Variants in PRIM2 observed in about 807,000 individuals in gnomAD.
PRIM2 encodes the protein DNA primase subunit 2, also known as DNA primase large subunit.
In PRIM2, 39 loss-of-function variants were observed where a neutral mutation model predicts 67.3. That is an observed-to-expected ratio of 0.58 (90% CI 0.45 to 0.76). PRIM2 has a LOEUF of 0.76. PRIM2 is among the 30% of genes least tolerant of loss of function. PRIM2 has a pLI of 0.00. For missense variants in PRIM2, 398 were observed against 598.7 expected, an observed-to-expected ratio of 0.66 and a Z score of 3.50; for synonymous variants, 143 against 198.7, an observed-to-expected ratio of 0.72 and a Z score of 2.36.
chr6:57,230,965 C>T, the PRIM2 span, among the ~76,000 whole-genome samples: 41 of 152,266 alleles, frequency 2.7e-4, no homozygotes, highest in Non-Finnish European at 4.7e-4. Context: ...TTTTTGGAAC[C>T]TGCTACCTCC....
the PRIM2 span, among the ~76,000 whole-genome samples, chr6:57,239,003 T>A: frequency 3.9e-5 from 6 of 152,214 alleles, no homozygotes; most frequent in Admixed American, 1.3e-4. Context: ...ATTTTTTTTT[T>A]ATTTTGAGAC....
intron 13 of PRIM2, among the ~76,000 whole-genome samples, chr6:57,638,289 C>G (rs1375684950): frequency 1.3e-5 from 2 of 152,012 alleles, no homozygotes; most frequent in Non-Finnish European, 2.9e-5. Context: ...CCAGCAACTG[C>G]AAAAACATAT....
chr6:57,223,258 A>G, the PRIM2 span, among the ~76,000 whole-genome samples: 1 of 152,192 alleles, frequency 6.6e-6, no homozygotes, highest in South Asian at 2.1e-4. Flanking sequence ...AGAGGCTCAA[A>G]GTTAGCATAA....
chr6:57,516,509 T>C (rs1301193492), intron 8 of PRIM2, among the ~76,000 whole-genome samples: 4 of 152,210 alleles, frequency 2.6e-5, no homozygotes, highest in Admixed American at 6.5e-5. Context: ...AAATGAGTTC[T>C]TAACAGAAAT....
the PRIM2 span, among the ~76,000 whole-genome samples, chr6:57,270,913 T>A: frequency 9.0e-3 from 1,375 of 151,938 alleles, 44 homozygotes; most frequent in African/African-American, 0.032. Context: ...TGGTTCTGTT[T>A]ATATGCTGGA....
intron 7 of PRIM2, among the ~76,000 whole-genome samples, chr6:57,498,500 A>G (rs1444239399): frequency 3.3e-5 from 5 of 152,168 alleles, no homozygotes; most frequent in Non-Finnish European, 7.3e-5. Context: ...CCCTAATACC[A>G]CTGTAAGAGA....
intron 10 of PRIM2, among the ~76,000 whole-genome samples, chr6:57,574,955 TA>T (rs1581998485): frequency 1.3e-5 from 2 of 152,142 alleles, no homozygotes; most frequent in Non-Finnish European, 2.9e-5. Flanking sequence ...TGTGGGTGCT[TA>T]AAGGTATAGA....
At chr6:57,529,134 C>T (rs1437712050) in intron 8 of PRIM2, among the ~76,000 whole-genome samples, 1 of 152,060 alleles carries the variant, frequency 6.6e-6, no homozygotes, top group Non-Finnish European at 1.5e-5. Flanking sequence ...CACGGTGAAA[C>T]CCCGTCACTA....
chr6:57,370,246 T>A (rs7739033), intron 5 of PRIM2, among the ~76,000 whole-genome samples: 3,992 of 152,266 alleles, frequency 0.026, 171 homozygotes, highest in African/African-American at 0.09. Flanking sequence ...GTATTTTTTT[T>A]AGGTATGCAG....
chr6:57,366,557 C>T lies in PRIM2; in HGVS notation c.460-13344C>T, dbSNP rs544429837. On this transcript the variant is annotated intron_variant, in intron 5 of 13. Coordinates refer to ENST00000615550, the MANE Select transcript of PRIM2 (RefSeq NM_000947.5). ...GGGTGAGTGGGTCAGAGGATGCTGA[C>T]GACTGTGAAACTAGTGTTGACTGGA... Among the ~76,000 whole-genome samples the T allele has an allele frequency of 1.3e-4, 20 of 152,136 alleles. No homozygotes were observed. In the South Asian group the frequency reaches 1.4e-3, roughly 11 times the overall value.
rs1404669104 is a variant in PRIM2, at chr6:57,645,508, G to T, written c.1300-420G>T. Among the ~76,000 whole-genome samples the T allele has an allele frequency of 3.4e-5, 5 of 145,544 alleles. No individual in the cohort carries two copies. The South Asian group carries it at 6.7e-4, about 19-fold the overall frequency. ...GGGAGGTGGCAGGTGGGAGTTGGGG[G>T]CTGGGGAGGTGAGAGAAAGGTGTCT... On this transcript the variant is annotated intron_variant, in intron 13 of 13. Transcript: ENST00000615550.
At chr6:57,341,575 T>C (rs1281118622) in intron 5 of PRIM2, among the ~76,000 whole-genome samples, 1 of 152,198 alleles carries the variant, frequency 6.6e-6, no homozygotes, top group African/African-American at 2.4e-5. Context: ...GTAAGCTCTT[T>C]CCATTTCATT....
chr6:57,342,904 T>G (rs1768539657), intron 5 of PRIM2, among the ~76,000 whole-genome samples: 1 of 152,254 alleles, frequency 6.6e-6, no homozygotes, highest in South Asian at 2.1e-4. Flanking sequence ...ATCTAAAATT[T>G]GTTTCTCATC....
chr6:57,431,385 G>C (rs1290163167), intron 7 of PRIM2, among the ~76,000 whole-genome samples: 1 of 152,004 alleles, frequency 6.6e-6, no homozygotes, highest in Non-Finnish European at 1.5e-5. Flanking sequence ...GGGCACAGTG[G>C]CTCACACCTG....
At chr6:57,496,022 A>G (rs1322486057) in intron 7 of PRIM2, among the ~76,000 whole-genome samples, 2 of 152,192 alleles carry the variant, frequency 1.3e-5, no homozygotes, top group African/African-American at 4.8e-5. Flanking sequence ...CTGGGATTAC[A>G]GACTTGAGCC....
chr6:57,280,428 A>G, the PRIM2 span, among the ~76,000 whole-genome samples: 1 of 151,900 alleles, frequency 6.6e-6, no homozygotes, highest in Non-Finnish European at 1.5e-5. Context: ...ATAATTTTAG[A>G]CTAACAGAAG....
At chr6:57,627,151 C>T (rs1447610596) in intron 12 of PRIM2, among the ~76,000 whole-genome samples, 165 of 149,622 alleles carry the variant, frequency 1.1e-3, no homozygotes, top group African/African-American at 4.0e-3. Context: ...TGTTATGGTG[C>T]GCATCTGTAA....
intron 10 of PRIM2, among the ~76,000 whole-genome samples, chr6:57,538,777 T>C (rs1350771254): frequency 7.9e-5 from 12 of 152,224 alleles, no homozygotes; most frequent in Admixed American, 3.9e-4. Context: ...TGTGGCCTTC[T>C]TCTTGCTTTG....
intron 7 of PRIM2, among the ~76,000 whole-genome samples, chr6:57,428,679 T>C (rs1291566328): frequency 6.6e-6 from 1 of 152,152 alleles, no homozygotes; most frequent in Admixed American, 6.5e-5. Flanking sequence ...CCTCTAAATA[T>C]GGTTCTCTAG....
Sources: allele counts gnomAD v4.1 joint callset (sites outside exome capture counted in the v4.1 genomes callset), GRCh38; gene constraint gnomAD v4.1.1; transcripts MANE v1.5; gene names NCBI Gene and HGNC (gene_info 2026-07-23, HGNC 2026-07-21).